Variants in PLA2R1 observed in about 807,000 individuals in gnomAD.
The protein encoded by PLA2R1 is secretory phospholipase A2 receptor.
Under a neutral mutation model 195.9 loss-of-function variants are expected in PLA2R1, and 158 were observed. The ratio of observed to expected loss-of-function variants is 0.81; its 90% confidence interval spans 0.71 to 0.92. The LOEUF is 0.92. PLA2R1 is among the 40% of genes least tolerant of loss of function. The pLI is 0.00. For synonymous variants in PLA2R1, 586 were observed against 598.2 expected (o/e 0.98, Z 0.30); for missense variants, 1,626 against 1,764.6 (o/e 0.92, Z 1.41).
intron 3 of PLA2R1, among the ~76,000 whole-genome samples, chr2:160,036,126 G>T (rs1694150328): frequency 6.6e-6 from 1 of 152,078 alleles, no homozygotes; most frequent in African/African-American, 2.4e-5. Context: ...TTCTACACAT[G>T]GCTATCTAAC....
At chr2:159,995,452 ATTAAT>A (rs1691149126) in intron 11 of PLA2R1, among the ~76,000 whole-genome samples, 1 of 152,112 alleles carries the variant, frequency 6.6e-6, no homozygotes, top group Non-Finnish European at 1.5e-5. Flanking sequence ...CTCAAAATGT[ATTAAT>A]TTATTTTGAC....
chr2:160,023,818 G>GA (rs1693313119), intron 6 of PLA2R1, among the ~76,000 whole-genome samples: 1 of 152,246 alleles, frequency 6.6e-6, no homozygotes, highest in Non-Finnish European at 1.5e-5. Flanking sequence ...GAAGGCAGCT[G>GA]AAGGAGAGTG....
At chr2:159,959,221 A>C (rs1324358177) in intron 20 of PLA2R1, among the ~76,000 whole-genome samples, 1 of 152,152 alleles carries the variant, frequency 6.6e-6, no homozygotes, top group Admixed American at 6.6e-5. Context: ...ATGTGAATTC[A>C]CCTTGTGTTC....
intron 20 of PLA2R1, among the ~76,000 whole-genome samples, chr2:159,959,842 C>T (rs898494648): frequency 1.3e-5 from 2 of 152,168 alleles, no homozygotes; most frequent in Non-Finnish European, 2.9e-5. Context: ...CACCCATCCC[C>T]ATTCCCACTG....
intron 11 of PLA2R1, among the ~76,000 whole-genome samples, chr2:159,987,961 T>G (rs1026668658): frequency 2.6e-5 from 4 of 152,176 alleles, no homozygotes; most frequent in Non-Finnish European, 4.4e-5. Context: ...AGCAAAGTAC[T>G]GAGATTTTCC....
chr2:160,042,858 GGAGAGAGA>G (rs34457845), intron 2 of PLA2R1, among the ~76,000 whole-genome samples: 1 of 139,736 alleles, frequency 7.2e-6, no homozygotes, highest in Non-Finnish European at 1.6e-5. Context: ...TGAGACAGAG[GGAGAGAGA>G]GAGAGAGAGA....
Position 159,986,762 on chromosome 2 carries a change from T to C in PLA2R1, c.2037+394A>G, listed in dbSNP as rs145580440. ...CCACCATGCCTGGCTACTTTTTGTA[T>C]TTTTAGTAGAGATGGGATTTCACCA... On this transcript the variant is annotated intron_variant, in intron 12 of 29. Transcript: ENST00000283243. Among the ~76,000 whole-genome samples the C allele has an allele frequency of 5.6e-3, 850 of 152,148 alleles. 7 individuals carry two copies. The highest frequency in any genetic ancestry group is 0.02 in the African/African-American group (812 of 41,520).
rs1383353769 is a variant in PLA2R1, at chr2:160,013,252, G to A, written c.1664+11C>T. The A allele has an allele frequency of 6.9e-7, 1 of 1,447,074 alleles. No individual in the cohort carries two copies. Among genetic ancestry groups the A allele is most frequent in the Admixed American group, 1.7e-5 (1 of 58,854 alleles). The allele number at this position is 1,447,074 out of a possible 1,614,324, so 89.6% of individuals were successfully genotyped here. A position where few individuals can be genotyped will look rare whatever the true frequency, so the allele number is the denominator to read the frequency against. Reference sequence around the variant, plus strand: ...AGCCGTCTTGTTTCTGTTAAAAAAAGTTTAATTTACCTGTTTGTAATGGTT... The same window carrying A: ...AGCCGTCTTGTTTCTGTTAAAAAAAATTTAATTTACCTGTTTGTAATGGTT... On this transcript the variant is annotated intron_variant, in intron 10 of 29. Coordinates refer to ENST00000283243, the MANE Select transcript of PLA2R1 (RefSeq NM_007366.5).
At chr2:160,042,814 T>C (rs1223910440) in intron 2 of PLA2R1, among the ~76,000 whole-genome samples, 8 of 82,176 alleles carry the variant, frequency 9.7e-5, no homozygotes, top group South Asian at 3.5e-4. Context: ...TGTGTGTGTG[T>C]GTGTGTGTGT....
intron 1 of PLA2R1, among the ~76,000 whole-genome samples, chr2:160,047,822 T>C (rs1322078585): frequency 1.3e-5 from 2 of 152,222 alleles, no homozygotes; most frequent in East Asian, 1.9e-4. Context: ...GGTGAATAAA[T>C]ATTCTGTGGG....
chr2:160,016,474 G>GA (rs1692762940), intron 9 of PLA2R1, 140 bp downstream of exon 9: 4 of 592,212 alleles, frequency 6.8e-6, no homozygotes, highest in Middle Eastern at 2.6e-4. Context: ...GGAAAGAAGG[G>GA]GGGGGTGCGA....
the PLA2R1 span, among the ~76,000 whole-genome samples, chr2:159,925,202 C>G: frequency 1.1e-5 from 1 of 95,182 alleles, no homozygotes; most frequent in Non-Finnish European, 2.5e-5. Flanking sequence ...AAAAAACAAA[C>G]AAACAATCAA....
Position 160,013,244 on chromosome 2 carries a change from T to TA in PLA2R1, c.1664+18dup, listed in dbSNP as rs781767904. 4.3e-5 allele frequency: 55 copies of TA among 1,291,910 alleles called. No individual in the cohort carries two copies. The highest frequency in any genetic ancestry group is 7.3e-5 in the African/African-American group (5 of 68,542). The allele number at this position is 1,291,910 out of a possible 1,614,324, so 80.0% of individuals were successfully genotyped here. A position where few individuals can be genotyped will look rare whatever the true frequency, so the allele number is the denominator to read the frequency against. On this transcript the variant is annotated intron_variant, in intron 10 of 29. Transcript: ENST00000283243. ...CATGTGAAAGCCGTCTTGTTTCTGTTAAAAAAAGTTTAATTTACCTGTTTG... is the reference window on the plus strand; with the variant it reads ...CATGTGAAAGCCGTCTTGTTTCTGTTAAAAAAAAGTTTAATTTACCTGTTTG...
At chr2:160,044,721 G>C (rs1694751228) in intron 2 of PLA2R1, 53 bp downstream of exon 2, 2 of 1,491,784 alleles carry the variant, frequency 1.3e-6, no homozygotes, top group Non-Finnish European at 1.8e-6. Flanking sequence ...TTTACTTATA[G>C]GCAAACCTTA....
intron 11 of PLA2R1, among the ~76,000 whole-genome samples, chr2:159,997,362 T>C (rs929200853): frequency 6.6e-6 from 1 of 151,914 alleles, no homozygotes; most frequent in African/African-American, 2.4e-5. Context: ...CTGGCTGGAG[T>C]TGCAGATTTC....
In PLA2R1 at chr2:159,947,427, T is replaced by C. The variant is rs756921674; in HGVS notation, c.3842A>G (p.Lys1281Arg). 3.1e-6 allele frequency: 5 copies of C among 1,596,026 alleles called. No homozygotes were observed. The highest frequency in any genetic ancestry group is 1.7e-4 in the Middle Eastern group (1 of 6,030). The change falls in exon 26 of 30, where the codon AAA becomes AGA. Residue 1281 changes from lysine (K) to arginine (R), a missense_variant. By Grantham distance (26) the Lys-to-Arg change is conservative (BLOSUM62 2). Coordinates refer to ENST00000283243, the MANE Select transcript of PLA2R1 (RefSeq NM_007366.5). ...MSFEAAHEFC[K>R]KEGSNLLTIK... ...ATCACAAAAACAATTACCTTCCTTT[T>C]TGCAAAATTCATGAGCAGCCTCAAA... is the stretch of plus-strand genomic sequence containing the variant.
Position 160,044,778 on chromosome 2 carries a change from G to T in PLA2R1, c.489C>A (p.His163Gln). The T allele has an allele frequency of 6.2e-7, 1 of 1,608,504 alleles. No homozygotes were observed. The highest frequency in any genetic ancestry group is 8.5e-7 in the Non-Finnish European group (1 of 1,175,472). Residue 163 changes from histidine (H) to glutamine (Q), a missense_variant, in exon 2 of 30, where the codon CAC (histidine) becomes CAA (glutamine). Transcript: ENST00000283243. ...GCTTCTTTAAATTATTTTTACCTTTGTGTAGATATTCACAAATGTCTCCAC... is the reference window on the plus strand; with the variant it reads ...GCTTCTTTAAATTATTTTTACCTTTTTGTAGATATTCACAAATGTCTCCAC... ...SGGGDICEYL[H>Q]KDLHTIKGNT...
intron 21 of PLA2R1, among the ~76,000 whole-genome samples, chr2:159,956,090 CT>C (rs1406644035): frequency 2.0e-5 from 3 of 152,038 alleles, no homozygotes; most frequent in Non-Finnish European, 4.4e-5. Flanking sequence ...CATTAATTAC[CT>C]TTCTAAACAA....
At chr2:160,018,412 G>C (rs142972108) in intron 8 of PLA2R1, among the ~76,000 whole-genome samples, 1,575 of 152,294 alleles carry the variant, frequency 0.01, 20 homozygotes, top group Admixed American at 0.03. Context: ...GGAGGCCAAG[G>C]ATGGTAAAGT....
Sources: allele counts gnomAD v4.1 joint callset (sites outside exome capture counted in the v4.1 genomes callset), GRCh38; gene constraint gnomAD v4.1.1; transcripts MANE v1.5; gene names NCBI Gene and HGNC (gene_info 2026-07-23, HGNC 2026-07-21).